The following EDC3 variants were observed in gnomAD, a reference collection of about 807,000 sequenced individuals.
EDC3 encodes the protein enhancer of mRNA-decapping protein 3.
A neutral mutation model predicts 41.8 loss-of-function variants in EDC3; 20 were observed. That is an observed-to-expected ratio of 0.48 (90% CI 0.34 to 0.70). The LOEUF is 0.70. EDC3 is among the 30% of genes least tolerant of loss of function. The pLI is 0.01. For synonymous variants in EDC3, 206 were observed against 243.2 expected, an observed-to-expected ratio of 0.85 and a Z score of 1.42; for missense variants, 444 against 636.8, an observed-to-expected ratio of 0.70 and a Z score of 3.26.
intron 1 of EDC3, among the ~76,000 whole-genome samples, chr15:74,693,188 T>G (rs747598444): frequency 2.0e-5 from 3 of 152,200 alleles, no homozygotes; most frequent in Non-Finnish European, 2.9e-5. Context: ...ATTTTGCATT[T>G]TCCTGATACA....
intron 3 of EDC3, among the ~76,000 whole-genome samples, chr15:74,667,520 T>C (rs1340178533): frequency 4.8e-5 from 7 of 144,544 alleles, no homozygotes; most frequent in Non-Finnish European, 9.1e-5. Flanking sequence ...GCAGCAGTAG[T>C]AGTAGTAGTA....
At chr15:74,647,065 A>G (rs1185443000) in intron 4 of EDC3, among the ~76,000 whole-genome samples, 6 of 146,320 alleles carry the variant, frequency 4.1e-5, no homozygotes, top group African/African-American at 1.5e-4. Context: ...GCTGGAGTGC[A>G]GTGGTGCGAT....
intron 6 of EDC3, chr15:74,635,087 C>G: frequency 1.8e-6 from 1 of 541,708 alleles, no homozygotes; most frequent in Non-Finnish European, 3.5e-6. Context: ...CTTTTTGTTC[C>G]TCCTAACCAG....
chr15:74,674,200 G>A (rs1430584028), intron 2 of EDC3, among the ~76,000 whole-genome samples: 1 of 152,152 alleles, frequency 6.6e-6, no homozygotes. Flanking sequence ...CAACTCCTAG[G>A]CTCAAGTGAT....
intron 4 of EDC3, among the ~76,000 whole-genome samples, chr15:74,652,719 C>T (rs1056116931): frequency 1.3e-5 from 2 of 152,082 alleles, no homozygotes; most frequent in East Asian, 3.9e-4. Flanking sequence ...GCTGGGACTA[C>T]AGGCACATGC....
At chr15:74,677,696 T>C (rs2062822559) in intron 1 of EDC3, among the ~76,000 whole-genome samples, 1 of 152,142 alleles carries the variant, frequency 6.6e-6, no homozygotes, top group Non-Finnish European at 1.5e-5. Context: ...TAAGGTAGTT[T>C]CTCACAAAAC....
intron 2 of EDC3, 60 bp downstream of exon 2, chr15:74,674,901 C>T: frequency 6.3e-7 from 1 of 1,594,062 alleles, no homozygotes; most frequent in Non-Finnish European, 8.6e-7. Context: ...GCAATCAGAC[C>T]TAGGTTCAAG....
In EDC3 at chr15:74,632,823, A is replaced by G; in HGVS notation, c.1316T>C (p.Val439Ala). The G allele has an allele frequency of 1.2e-6, 2 of 1,614,232 alleles. No individual in the cohort carries two copies. Among genetic ancestry groups the G allele is most frequent in the Non-Finnish European group, 1.7e-6 (2 of 1,180,034 alleles). The change falls in exon 7 of 7, where the codon GTA (valine) becomes GCA (alanine). Residue 439 changes from valine (V) to alanine (A), a missense_variant. By Grantham distance (64) the Val-to-Ala change is moderately conservative. Coordinates refer to ENST00000315127, the MANE Select transcript of EDC3 (RefSeq NM_025083.5). The surrounding 1 kb of genome is among the most constrained non-coding windows in gnomAD (Gnocchi z 4.0). ...ATGCACAGGAGGGTCTATGCTGAGTACTGGTGCCCGGTTCTGGTTGGCCCA... is the reference window on the plus strand; with the variant it reads ...ATGCACAGGAGGGTCTATGCTGAGTGCTGGTGCCCGGTTCTGGTTGGCCCA... ...VAWANQNRAP[V>A]LSIDPPVHEV...
chr15:74,656,632 G>A (rs745758773), intron 3 of EDC3, among the ~76,000 whole-genome samples: 1 of 152,234 alleles, frequency 6.6e-6, no homozygotes, highest in African/African-American at 2.4e-5. Context: ...GACAGAGGCA[G>A]GAGGCAGAGA....
In EDC3 at chr15:74,657,484, GGAGTT is replaced by G. The variant is rs371040965; in HGVS notation, c.485-1421_485-1417del. On this transcript the variant is annotated intron_variant, in intron 3 of 6. Coordinates refer to ENST00000315127, the MANE Select transcript of EDC3 (RefSeq NM_025083.5). ...TTCTCTCGCACACTCCCTTCTGCAA[GGAGTT>G]GAGAGCAGTGCGTGGAGTAAACGGG... Among the ~76,000 whole-genome samples the G allele has an allele frequency of 2.5e-4, 38 of 152,376 alleles. No individual in the cohort carries two copies. The East Asian group carries it at 6.9e-3, about 28-fold the overall frequency.
rs548586544 is a variant in EDC3, at chr15:74,632,792, G to A, written c.1347C>T (p.Val449=). The change falls in exon 7 of 7, where the codon GTC becomes GTT. Residue 449 remains valine, a synonymous_variant. Transcript: ENST00000315127. This position sits in a 1 kb window ranked among gnomAD's most constrained non-coding sequence, Gnocchi z 4.0. ...ACCATTTGGCATCAATGCCCTGTTC[G>A]ACTTCATGCACAGGAGGGTCTATGC... ...VLSIDPPVHE[V]EQGIDAKWSL... 24 of 1,614,222 alleles carry A rather than the reference G, an allele frequency of 1.5e-5. No individual in the cohort carries two copies. In the East Asian group the frequency reaches 2.5e-4, roughly 16 times the overall value.
chr15:74,663,214 G>A (rs1483766669), intron 3 of EDC3, among the ~76,000 whole-genome samples: 1 of 152,214 alleles, frequency 6.6e-6, no homozygotes, highest in Non-Finnish European at 1.5e-5. Context: ...CTTGAAGCCA[G>A]GAGGTGGAGG....
intron 1 of EDC3, among the ~76,000 whole-genome samples, chr15:74,691,580 G>A (rs749736837): frequency 2.0e-5 from 3 of 152,118 alleles, no homozygotes; most frequent in Non-Finnish European, 4.4e-5. Flanking sequence ...GAATACACAT[G>A]TCCGTAGGGG....
chr15:74,673,640 T>C (rs1387783165), intron 2 of EDC3, among the ~76,000 whole-genome samples: 1 of 151,906 alleles, frequency 6.6e-6, no homozygotes, highest in Non-Finnish European at 1.5e-5. Context: ...ATCGAGACCA[T>C]CCTGGCTAAC....
chr15:74,689,412 C>G (rs1379359338), intron 1 of EDC3, among the ~76,000 whole-genome samples: 1 of 152,144 alleles, frequency 6.6e-6, no homozygotes, highest in African/African-American at 2.4e-5. Context: ...ATAAATTATT[C>G]CTAAAATTGT....
rs2062215325 is a variant in EDC3, at chr15:74,631,987, A to G, written c.*625T>C. The G allele has an allele frequency of 6.5e-6, 1 of 154,580 alleles. No homozygotes were observed. The allele number at this position is 154,580 out of a possible 1,614,324, so 9.6% of individuals were successfully genotyped here. ...TTCCCTACCTCTGAGTGATGGAGGGAAAAGGAGGGAGAGATCCTTGGAAAA... is the reference window on the plus strand; with the variant it reads ...TTCCCTACCTCTGAGTGATGGAGGGGAAAGGAGGGAGAGATCCTTGGAAAA... On this transcript the variant is annotated 3_prime_UTR_variant, in exon 7 of 7. Transcript: ENST00000315127.
chr15:74,666,952 G>A (rs977977391), intron 3 of EDC3, among the ~76,000 whole-genome samples: 4 of 152,116 alleles, frequency 2.6e-5, no homozygotes, highest in Non-Finnish European at 5.9e-5. Context: ...AAGGAAATGG[G>A]AGACCTAAAT....
At chr15:74,685,958 C>T (rs528080551) in intron 1 of EDC3, among the ~76,000 whole-genome samples, 1 of 152,292 alleles carries the variant, frequency 6.6e-6, no homozygotes, top group Non-Finnish European at 1.5e-5. Context: ...TTTGGGATGC[C>T]AAGGCAGGTG....
At chr15:74,672,393 T>C (rs2062750294) in intron 2 of EDC3, among the ~76,000 whole-genome samples, 1 of 151,986 alleles carries the variant, frequency 6.6e-6, no homozygotes, top group South Asian at 2.1e-4. Flanking sequence ...CAGGAGTATA[T>C]AAAATACTTA....
Sources: allele counts gnomAD v4.1 joint callset (sites outside exome capture counted in the v4.1 genomes callset), GRCh38; gene constraint gnomAD v4.1.1; non-coding constraint Gnocchi (gnomAD v3.1); transcripts MANE v1.5; gene names NCBI Gene and HGNC (gene_info 2026-07-23, HGNC 2026-07-21).